GREB1: variants seen among roughly 807,000 people sequenced by gnomAD.
The protein encoded by GREB1 is protein GREB1.
In GREB1, 106 loss-of-function variants were observed where a neutral mutation model predicts 200.7. The observed-to-expected ratio is 0.53, with a 90% confidence interval of 0.45 to 0.62. The LOEUF (loss-of-function observed/expected upper bound fraction) is 0.62. Ranked by LOEUF, GREB1 falls within the 20% of genes least tolerant of loss-of-function variation. The probability of loss-of-function intolerance (pLI) is 0.00; values close to 1 mark genes in which losing one functional copy is unlikely to be tolerated. For missense variants in GREB1, 2,243 were observed against 2,556.8 expected (o/e 0.88, Z 2.65); for synonymous variants, 1,132 against 1,092.4 (o/e 1.04, Z -0.72).
At chr2:11,566,266 C>G (rs1372570424) in intron 3 of GREB1, among the ~76,000 whole-genome samples, 2 of 152,208 alleles carry the variant, frequency 1.3e-5, no homozygotes, top group Admixed American at 6.5e-5. Context: ...ATCCTCCCGA[C>G]TTGGCTTCCC....
chr2:11,593,514 TCTCACTCTGTTGCCCA>T (rs1183422044), intron 11 of GREB1, among the ~76,000 whole-genome samples: 2 of 152,202 alleles, frequency 1.3e-5, no homozygotes, highest in Admixed American at 1.3e-4. Context: ...TGAGACAAGG[TCTCACTCTGTTGCCCA>T]GGCTGGAGTG....
chr2:11,498,349 C>T lies in GREB1; in HGVS notation c.-159+15968C>T, dbSNP rs913306650. On this transcript the variant is annotated intron_variant, in intron 1 of 2. Transcript: ENST00000628795. ...CTGTAGATACCCAGTTGTTCCAGCA[C>T]CATTTATTGAAAAAGCTGTCTCTCC... Among the ~76,000 whole-genome samples, 6 of 152,202 alleles carry T rather than the reference C, an allele frequency of 3.9e-5. No homozygotes were observed. In the East Asian group the frequency reaches 1.2e-3, roughly 29 times the overall value.
At chr2:11,594,327 G>A (rs1174145044) in intron 11 of GREB1, among the ~76,000 whole-genome samples, 1 of 151,340 alleles carries the variant, frequency 6.6e-6, no homozygotes, top group Non-Finnish European at 1.5e-5. Context: ...TACTTTTTAA[G>A]TATAGTGTCT....
At chr2:11,562,655 G>A (rs539502663) in intron 3 of GREB1, 73 bp downstream of exon 3, 168 of 1,486,464 alleles carry the variant, frequency 1.1e-4, no homozygotes, top group Admixed American at 4.4e-4. Context: ...GCGGGTGACT[G>A]GGCCTGTGAC....
intron 1 of GREB1, among the ~76,000 whole-genome samples, chr2:11,499,889 A>G (rs983600048): frequency 1.3e-5 from 2 of 152,228 alleles, no homozygotes; most frequent in African/African-American, 4.8e-5. Flanking sequence ...GTATCTGCAG[A>G]TATCAGATAT....
At chr2:11,557,927 G>A (rs943458085) in intron 2 of GREB1, among the ~76,000 whole-genome samples, 1 of 152,166 alleles carries the variant, frequency 6.6e-6, no homozygotes. Flanking sequence ...TTTATGGACT[G>A]TTTTTGGCCA....
In GREB1 at chr2:11,519,449, G is replaced by GTTTTTTT. The variant is rs70955804; in HGVS notation, c.-158-36991_-158-36985dup. Among the ~76,000 whole-genome samples the GTTTTTTT allele has an allele frequency of 1.5e-3, 118 of 76,994 alleles. 1 individual carries two copies. Among genetic ancestry groups the GTTTTTTT allele is most frequent in the African/African-American group, 3.6e-3 (66 of 18,460 alleles). The allele number at this position is 76,994 out of a possible 152,430, so 50.5% of individuals were successfully genotyped here. On this transcript the variant is annotated intron_variant, in intron 1 of 2. Coordinates refer to the GREB1 transcript ENST00000628795. ...TCACATCTTATGATTACTTGTTTTG[G>GTTTTTTT]TTTTTTTTTTTTTTTTTTTTTTTGA...
chr2:11,626,995 A>C lies in GREB1; in HGVS notation c.4340A>C (p.Tyr1447Ser). The C allele has an allele frequency of 6.2e-7, 1 of 1,614,092 alleles. No homozygotes were observed. ...RGMSRKPEDLYVRRQTARMRL... is the reference protein window; with the variant it reads ...RGMSRKPEDLSVRRQTARMRL... Reference sequence around the variant, plus strand: ...ATGTCCCGGAAGCCGGAGGACCTTTATGTGCGGCGTCAGACGGCACGGATG... The same window carrying C: ...ATGTCCCGGAAGCCGGAGGACCTTTCTGTGCGGCGTCAGACGGCACGGATG... The change falls in exon 25 of 33, where the codon TAT (tyrosine) becomes TCT (serine). Residue 1447 changes from tyrosine to serine, a missense_variant. Transcript: ENST00000381486.
intron 1 of GREB1, among the ~76,000 whole-genome samples, chr2:11,551,993 G>A (rs9784028): frequency 1.3e-5 from 2 of 152,156 alleles, no homozygotes; most frequent in African/African-American, 2.4e-5. Flanking sequence ...TAATGATTAC[G>A]CACTGACTAT....
At chr2:11,634,878 ATTC>A (rs908566667) in intron 29 of GREB1, among the ~76,000 whole-genome samples, 18 of 152,158 alleles carry the variant, frequency 1.2e-4, no homozygotes. Context: ...TCCAAGCCCT[ATTC>A]TTCTTAGCTG....
intron 17 of GREB1, among the ~76,000 whole-genome samples, chr2:11,605,304 C>T (rs1308365947): frequency 1.3e-5 from 2 of 151,556 alleles, no homozygotes; most frequent in Non-Finnish European, 2.9e-5. Flanking sequence ...CAGCTCACTG[C>T]AACCTCTGCC....
intron 1 of GREB1, among the ~76,000 whole-genome samples, chr2:11,491,945 T>A (rs922031193): frequency 1.3e-5 from 2 of 152,242 alleles, no homozygotes; most frequent in Non-Finnish European, 2.9e-5. Flanking sequence ...CCACTATGTA[T>A]GTGAGGCCTG....
chr2:11,569,190 A>G (rs1678006732), intron 4 of GREB1, among the ~76,000 whole-genome samples: 1 of 152,258 alleles, frequency 6.6e-6, no homozygotes, highest in South Asian at 2.1e-4. Context: ...TAAAAAAGGA[A>G]AACATATTCC....
Position 11,637,699 on chromosome 2 carries a change from C to A in GREB1, c.5347-17C>A, listed in dbSNP as rs746795713. ...CCCTCAGGGCAGTAGTGGCCTGACACCCCCCTTCCCGTGCAGGTGTCTGAT... is the reference window on the plus strand; with the variant it reads ...CCCTCAGGGCAGTAGTGGCCTGACAACCCCCTTCCCGTGCAGGTGTCTGAT... On this transcript the variant is annotated splice_polypyrimidine_tract_variant and intron_variant, in intron 30 of 32. Transcript: ENST00000381486. The A allele has an allele frequency of 6.2e-7, 1 of 1,610,342 alleles. No individual in the cohort carries two copies. Among genetic ancestry groups the A allele is most frequent in the South Asian group, 1.1e-5 (1 of 90,984 alleles).
At position 11,633,111 on chromosome 2, in the gene GREB1, C is replaced by A; in HGVS notation, c.4991+48C>A. 6.3e-7 allele frequency: 1 copy of A among 1,578,032 alleles called. No individual in the cohort carries two copies. The highest frequency in any genetic ancestry group is 1.1e-5 in the South Asian group (1 of 90,096). On this transcript the variant is annotated intron_variant, in intron 28 of 32. Transcript: ENST00000381486. This position sits in a 1 kb window ranked among gnomAD's most constrained non-coding sequence, Gnocchi z 4.1. ...CCTCCTGCCACCCTACGAATGATGA[C>A]CAACGAGTGTGCCCTCTTTGTATGG...
rs1049246438 is a variant in GREB1 at position 11,534,194 on chromosome 2, A to G, written c.-222A>G. 1 of 152,278 alleles carries G rather than the reference A, an allele frequency of 6.6e-6. No individual in the cohort carries two copies. Among genetic ancestry groups the G allele is most frequent in the African/African-American group, 2.4e-5 (1 of 41,440 alleles). The allele number at this position is 152,278 out of a possible 1,614,324, so 9.4% of individuals were successfully genotyped here. ...AAGAAGGACAGAGACCTGGAGCCCT[A>G]TGGAAAGTTCTGACACCATGTGTGG... On this transcript the variant is annotated 5_prime_UTR_variant, in exon 1 of 33. An upstream start codon of the reference 5' UTR is lost. Transcript: ENST00000381486.
rs553663451 is a variant in GREB1, at chr2:11,609,858, T to C, written c.2667-830T>C. Among the ~76,000 whole-genome samples the C allele has an allele frequency of 4.6e-5, 7 of 152,338 alleles. No individual in the cohort carries two copies. The South Asian group carries it at 1.4e-3, about 32-fold the overall frequency. On this transcript the variant is annotated intron_variant, in intron 17 of 32. Coordinates refer to ENST00000381486, the MANE Select transcript of GREB1 (RefSeq NM_014668.4). ...TACTCATTTTTGTAGGTCGAGAAAC[T>C]ACCTTACCTTTGCTACAAAAAGCCA...
At chr2:11,554,889 A>AAAT (rs1442727951) in intron 1 of GREB1, among the ~76,000 whole-genome samples, 1 of 152,234 alleles carries the variant, frequency 6.6e-6, no homozygotes. Context: ...AACTGGAAAT[A>AAAT]AATAATATGA....
At chr2:11,516,102 G>GAAGT (rs1398578692) in intron 1 of GREB1, among the ~76,000 whole-genome samples, 3 of 152,214 alleles carry the variant, frequency 2.0e-5, no homozygotes, top group Non-Finnish European at 4.4e-5. Context: ...ACCATAGGAA[G>GAAGT]AAGTGCTGTC....
Sources: gnomAD v4.1 joint callset for allele counts (sites outside exome capture counted in the v4.1 genomes callset) on GRCh38, gnomAD v4.1.1 for gene constraint, Gnocchi (gnomAD v3.1) non-coding constraint, MANE v1.5 for transcripts, NCBI Gene and HGNC (gene_info 2026-07-23, HGNC 2026-07-21) for gene names.